Variants in AQR observed in about 807,000 individuals in gnomAD.
AQR encodes aquarius intron-binding spliceosomal factor.
Under a neutral mutation model 180.5 loss-of-function variants are expected in AQR, and 61 were observed. The observed-to-expected ratio is 0.34, with a 90% CI of 0.28 to 0.42. The LOEUF is 0.42. Among genes scored for constraint, AQR ranks in the 10% least tolerant of loss-of-function variants. The pLI is 1.00. For missense variants in AQR, 1,281 were observed against 1,798.3 expected (o/e 0.71, Z 5.20); for synonymous variants, 551 against 588.8 (o/e 0.94, Z 0.93).
chr15:34,893,801 C>G (rs1282278577), intron 22 of AQR, 28 bp from the exon 23 acceptor site: 3 of 1,578,858 alleles, frequency 1.9e-6, no homozygotes. Context: ...ACATAGCAAA[C>G]TACTAAGTCA....
In AQR at chr15:34,856,596, T is replaced by A. The variant is rs1034327895; in HGVS notation, c.*196A>T. 1.5e-5 allele frequency: 7 copies of A among 464,464 alleles called. No individual in the cohort carries two copies. In the Admixed American group the frequency reaches 1.5e-4, roughly 10 times the overall value. The allele number at this position is 464,464 out of a possible 1,614,324, so 28.8% of individuals were successfully genotyped here. A position where few individuals can be genotyped will look rare whatever the true frequency, so the allele number is the denominator to read the frequency against. On this transcript the variant is annotated 3_prime_UTR_variant, in exon 35 of 35. Coordinates refer to ENST00000156471, the MANE Select transcript of AQR (RefSeq NM_014691.3). ...AGGAATGGTTATTTGCTCTTCTGATTGAACAAATGAAACTAGAATTGTTCA... is the reference window on the plus strand; with the variant it reads ...AGGAATGGTTATTTGCTCTTCTGATAGAACAAATGAAACTAGAATTGTTCA...
intron 30 of AQR, among the ~76,000 whole-genome samples, chr15:34,872,628 A>T (rs1237799482): frequency 1.3e-5 from 2 of 152,154 alleles, no homozygotes; most frequent in Non-Finnish European, 2.9e-5. Context: ...TAATATTTTT[A>T]AAGTTATCAT....
intron 24 of AQR, among the ~76,000 whole-genome samples, chr15:34,889,647 G>T (rs1893112390): frequency 6.6e-6 from 1 of 152,054 alleles, no homozygotes; most frequent in African/African-American, 2.4e-5. Flanking sequence ...TAACCCCAAA[G>T]CTTATATTAT....
Position 34,879,466 on chromosome 15 carries a change from AC to A in AQR, c.3165+3035del, listed in dbSNP as rs1892937191. On this transcript the variant is annotated intron_variant, in intron 27 of 34. Coordinates refer to ENST00000156471, the MANE Select transcript of AQR (RefSeq NM_014691.3). ...CTGCGCATGCTTGAAGATTTTCCAG[AC>A]CCCTTTCCTTCCACCAATCGCTTAC... Among the ~76,000 whole-genome samples the A allele has an allele frequency of 2.6e-5, 4 of 152,198 alleles. No homozygotes were observed. The South Asian group carries it at 8.3e-4, about 32-fold the overall frequency.
At chr15:34,899,701 A>C (rs1893301433) in intron 20 of AQR, among the ~76,000 whole-genome samples, 1 of 151,354 alleles carries the variant, frequency 6.6e-6, no homozygotes, top group South Asian at 2.1e-4. Flanking sequence ...TATACAGTTG[A>C]AAGCTGTGTG....
intron 32 of AQR, among the ~76,000 whole-genome samples, chr15:34,863,919 T>C (rs1335385188): frequency 6.6e-6 from 1 of 152,174 alleles, no homozygotes; most frequent in Non-Finnish European, 1.5e-5. Context: ...TGTTTTTAGA[T>C]GGCTATTTAA....
intron 24 of AQR, among the ~76,000 whole-genome samples, chr15:34,889,184 G>C (rs551250653): frequency 6.6e-6 from 1 of 152,078 alleles, no homozygotes; most frequent in Non-Finnish European, 1.5e-5. Context: ...AAATACCTAT[G>C]GGATGAATTC....
At chr15:34,868,273 G>C (rs143821098) in intron 31 of AQR, 17 of 152,308 alleles carry the variant, frequency 1.1e-4, no homozygotes, top group African/African-American at 3.9e-4. Flanking sequence ...GGAGGTTGCA[G>C]TGAGTTGAGA....
At chr15:34,938,200 T>C (rs1893972381) in intron 9 of AQR, among the ~76,000 whole-genome samples, 1 of 152,136 alleles carries the variant, frequency 6.6e-6, no homozygotes, top group Non-Finnish European at 1.5e-5. Context: ...AAAAATTTGC[T>C]ACATAAAGGA....
intron 8 of AQR, 41 bp from the exon 9 acceptor site, chr15:34,938,854 T>A: frequency 1.4e-6 from 2 of 1,397,960 alleles, no homozygotes; most frequent in Non-Finnish European, 2.0e-6. Flanking sequence ...TTTTGAAGAA[T>A]AGTCATTTCA....
rs1323084869 is a variant in AQR, at chr15:34,927,037, A to T, written c.1116T>A (p.Leu372=). Residue 372 remains leucine (L), a splice_region_variant and synonymous_variant, in exon 13 of 35, where the codon CTT becomes CTA. Coordinates refer to ENST00000156471, the MANE Select transcript of AQR (RefSeq NM_014691.3). ...TATAGTTTTTCATGTTGTCTTACCT[A>T]AGAGGTCCAAAAAACTTGACCAAGG... ...RESLVKFFGP[L]SSNTLHQVAS... 6.4e-7 allele frequency: 1 copy of T among 1,557,726 alleles called. No individual in the cohort carries two copies. Among genetic ancestry groups the T allele is most frequent in the Admixed American group, 1.8e-5 (1 of 54,484 alleles).
At chr15:34,964,015 G>A (rs554155585) in intron 2 of AQR, among the ~76,000 whole-genome samples, 1 of 152,224 alleles carries the variant, frequency 6.6e-6, no homozygotes, top group South Asian at 2.1e-4. Flanking sequence ...GGTAAGAGAG[G>A]TTATCTCTGT....
chr15:34,961,577 T>G (rs555557555), intron 2 of AQR, among the ~76,000 whole-genome samples: 1 of 121,940 alleles, frequency 8.2e-6, no homozygotes, highest in Admixed American at 1.2e-4. Context: ...GCCACTGCAC[T>G]CCATCCAGCC....
intron 13 of AQR, among the ~76,000 whole-genome samples, chr15:34,924,457 AG>A (rs1197106356): frequency 1.3e-5 from 2 of 151,214 alleles, no homozygotes; most frequent in Non-Finnish European, 2.9e-5. Context: ...TTTGAGACAG[AG>A]TCTCACTCTG....
intron 3 of AQR, among the ~76,000 whole-genome samples, chr15:34,953,170 T>C (rs934277165): frequency 6.6e-6 from 1 of 152,222 alleles, no homozygotes; most frequent in African/African-American, 2.4e-5. Context: ...CACATATCTA[T>C]ATTGCAAATG....
chr15:34,946,951 C>T (rs1894136777), intron 5 of AQR, among the ~76,000 whole-genome samples: 1 of 152,020 alleles, frequency 6.6e-6, no homozygotes, highest in East Asian at 2.0e-4. Context: ...CTCTGCCCGG[C>T]CGCGCCTACT....
intron 19 of AQR, among the ~76,000 whole-genome samples, chr15:34,901,993 G>C (rs1415004328): frequency 2.0e-5 from 3 of 152,178 alleles, no homozygotes; most frequent in African/African-American, 7.2e-5. Context: ...CAAAGCAGCA[G>C]AATGGTAAAT....
At chr15:34,922,678 T>G (rs1216628065) in intron 13 of AQR, among the ~76,000 whole-genome samples, 1 of 151,992 alleles carries the variant, frequency 6.6e-6, no homozygotes, top group East Asian at 1.9e-4. Flanking sequence ...CTCAGCCTCC[T>G]GAGTAGCTGG....
At position 34,893,607 on chromosome 15, in the gene AQR, GCACACACACACACACACA is replaced by G. The variant is rs386382691; in HGVS notation, c.2571+38_2571+55del. On this transcript the variant is annotated intron_variant, in intron 23 of 34. Transcript: ENST00000156471. ...CATACCCATGTGCATGCGCATGCGT[GCACACACACACACACACA>G]CACACACACACACACACACACACAC... The G allele has an allele frequency of 1.7e-3, 1,704 of 999,604 alleles. 14 individuals are homozygous for G. The African/African-American group carries it at 0.02, about 12-fold the overall frequency. 61.9% of individuals were successfully genotyped at this position (999,604 alleles called of 1,614,324 possible).
Sources: allele counts gnomAD v4.1 joint callset (sites outside exome capture counted in the v4.1 genomes callset), GRCh38; gene constraint gnomAD v4.1.1; transcripts MANE v1.5; gene names NCBI Gene and HGNC (gene_info 2026-07-23, HGNC 2026-07-21).